Variants in ZNF30 observed in about 807,000 individuals in gnomAD.
ZNF30 encodes the protein zinc finger protein 30.
Under a neutral mutation model 13.2 loss-of-function variants are expected in ZNF30, and 15 were observed. That is an observed-to-expected ratio of 1.13 (90% CI 0.76 to 1.75). The LOEUF is 1.75. Among genes scored for constraint, ZNF30 ranks in the 40% most tolerant of loss-of-function variants. ZNF30 has a pLI of 0.00. For synonymous variants in ZNF30, 223 were observed against 256.6 expected (o/e 0.87, Z 1.25); for missense variants, 726 against 757.0 (o/e 0.96, Z 0.48).
rs1568547176 is a variant in ZNF30 at position 34,944,613 on chromosome 19, T to C, written c.1647T>C (p.Phe549=). ...PYECNKCGKA[F]TVYGQLIGHQ... is the part of the protein sequence containing the mutation. The stretch of plus-strand genomic sequence containing the variant: ...AATGTAACAAATGTGGGAAAGCCTT[T>C]ACTGTTTATGGACAACTTATTGGAC... Residue 549 remains phenylalanine (F), a synonymous_variant, in exon 5 of 5, where the codon TTT becomes TTC. Transcript: ENST00000601142. 2 of 1,613,998 alleles carry C rather than the reference T, an allele frequency of 1.2e-6. No individual in the cohort carries two copies. The highest frequency in any genetic ancestry group is 1.7e-5 in the Admixed American group (1 of 59,978).
In ZNF30 at chr19:34,931,892, C is replaced by A. The variant is rs188045373; in HGVS notation, c.59C>A (p.Ala20Asp). 3.7e-6 allele frequency: 6 copies of A among 1,613,520 alleles called. No individual in the cohort carries two copies. The East Asian group carries it at 1.3e-4, about 36-fold the overall frequency. Reference protein sequence around the residue: ...YHGSVTFEDVAIAFSQQEWES... With the variant: ...YHGSVTFEDVDIAFSQQEWES... ...GGATCAGTGACATTTGAGGATGTGG[C>A]CATAGCCTTCTCCCAGCAGGAGTGG... Residue 20 changes from alanine (A) to aspartate (D), a missense_variant, in exon 3 of 5, where the codon GCC (alanine) becomes GAC (aspartate). Physicochemically the swap from Ala to Asp is moderately radical, Grantham distance 126. Coordinates refer to ENST00000601142, the MANE Select transcript of ZNF30 (RefSeq NM_194325.3).
At chr19:34,931,699 A>G (rs1600219285) in intron 2 of ZNF30, 144 bp from the exon 3 acceptor site, 1 of 728,990 alleles carries the variant, frequency 1.4e-6, no homozygotes, top group East Asian at 2.8e-5. Flanking sequence ...GGATTCTTCC[A>G]GAACATGCAG....
chr19:34,943,090 T>C, intron 4 of ZNF30, 133 bp from the exon 5 acceptor site: 1 of 602,630 alleles, frequency 1.7e-6, no homozygotes. Context: ...TTTTTTTTTT[T>C]GAATTTCATA....
At chr19:34,932,362 T>TA (rs2012495607) in intron 3 of ZNF30, among the ~76,000 whole-genome samples, 1 of 152,212 alleles carries the variant, frequency 6.6e-6, no homozygotes, top group South Asian at 2.1e-4. Flanking sequence ...AAACTGAAGT[T>TA]ACCTCATTTT....
chr19:34,941,742 A>G (rs2013059221), intron 4 of ZNF30, among the ~76,000 whole-genome samples: 1 of 152,238 alleles, frequency 6.6e-6, no homozygotes, highest in Non-Finnish European at 1.5e-5. Context: ...CCAGTTTTGC[A>G]GTTGGTTTTT....
chr19:34,933,660 T>C lies in ZNF30; in HGVS notation c.193T>C (p.Leu65=). The C allele has an allele frequency of 6.2e-7, 1 of 1,601,872 alleles. No individual in the cohort carries two copies. Among genetic ancestry groups the C allele is most frequent in the Non-Finnish European group, 8.5e-7 (1 of 1,173,880 alleles). Residue 65 remains leucine (L), a synonymous_variant, in exon 4 of 5, where the codon TTA becomes CTA. Transcript: ENST00000601142. ...HSRSKPHVIA[L]LEQWKEPEVT... ...CCGTTCTAAACCACATGTGATCGCC[T>C]TATTGGAACAATGGAAAGAGCCTGA...
chr19:34,928,250 TATATAGATAGATAG>T (rs2012224560), intron 1 of ZNF30, among the ~76,000 whole-genome samples: 1 of 53,480 alleles, frequency 1.9e-5, no homozygotes, highest in East Asian at 4.0e-4. Flanking sequence ...TATATATATA[TATATAGATAGATAG>T]ATAGATAGAT....
chr19:34,935,044 A>G (rs1294362864), intron 4 of ZNF30, among the ~76,000 whole-genome samples: 9 of 152,144 alleles, frequency 5.9e-5, no homozygotes, highest in Non-Finnish European at 1.2e-4. Flanking sequence ...CCTGGCTAAC[A>G]TGGTAAAACC....
upstream of ZNF30, chr19:34,926,791 T>G: frequency 2.5e-6 from 1 of 395,764 alleles, no homozygotes; most frequent in Non-Finnish European, 4.5e-6. Context: ...GGGCCTCAGG[T>G]GTCAGACGCC....
chr19:34,931,658 C>A (rs992335941), intron 2 of ZNF30, among the ~76,000 whole-genome samples, 185 bp from the exon 3 acceptor site: 3 of 152,168 alleles, frequency 2.0e-5, no homozygotes, highest in Admixed American at 1.3e-4. Context: ...GATAATCCTA[C>A]AATATATAGG....
rs751459316 is a variant in ZNF30 at position 34,944,063 on chromosome 19, A to G, written c.1097A>G (p.His366Arg). ...TTCCTTCATGCACATCAGCGAATTC[A>G]TGCAGAGATAAAGCCCTACGGATGC... ...SSFLHAHQRIHAEIKPYGCKE... is the reference protein window; with the variant it reads ...SSFLHAHQRIRAEIKPYGCKE... Residue 366 changes from histidine to arginine, a missense_variant, in exon 5 of 5, where the codon CAT becomes CGT. Coordinates refer to ENST00000601142, the MANE Select transcript of ZNF30 (RefSeq NM_194325.3). The G allele has an allele frequency of 1.2e-6, 2 of 1,614,160 alleles. No homozygotes were observed. The highest frequency in any genetic ancestry group is 8.5e-7 in the Non-Finnish European group (1 of 1,180,010).
At chr19:34,938,473 A>C (rs1237246418) in intron 4 of ZNF30, among the ~76,000 whole-genome samples, 2 of 152,118 alleles carry the variant, frequency 1.3e-5, no homozygotes, top group Non-Finnish European at 2.9e-5. Flanking sequence ...CATTTTGCCA[A>C]CTGAGTTAAA....
Position 34,943,439 on chromosome 19 carries a change from G to A in ZNF30, c.473G>A (p.Ser158Asn). 6.2e-7 allele frequency: 1 copy of A among 1,613,932 alleles called. No individual in the cohort carries two copies. The highest frequency in any genetic ancestry group is 2.2e-5 in the East Asian group (1 of 44,878). Reference protein sequence around the residue: ...NRCKECGKNFSNGHQLTIHQR... With the variant: ...NRCKECGKNFNNGHQLTIHQR... Reference sequence around the variant, plus strand: ...TGTAAAGAATGTGGGAAGAACTTTAGTAATGGACATCAACTCACCATACAT... The same window carrying A: ...TGTAAAGAATGTGGGAAGAACTTTAATAATGGACATCAACTCACCATACAT... The change falls in exon 5 of 5, where the codon AGT (serine) becomes AAT (asparagine). Residue 158 changes from serine to asparagine, a missense_variant. Coordinates refer to ENST00000601142, the MANE Select transcript of ZNF30 (RefSeq NM_194325.3).
chr19:34,926,866 G>C (rs948318698), upstream of ZNF30: 2 of 397,622 alleles, frequency 5.0e-6, no homozygotes, highest in Non-Finnish European at 8.9e-6. Flanking sequence ...TCAGCCGGAC[G>C]GGAGCGCCCA....
intron 4 of ZNF30, among the ~76,000 whole-genome samples, chr19:34,938,926 G>A (rs2546009): frequency 0.34 from 51,083 of 151,938 alleles, 8,688 homozygotes; most frequent in African/African-American, 0.37. Context: ...GCGAGCTGCC[G>A]TGACTTAAAG....
At chr19:34,930,134 G>A (rs982447210) in intron 2 of ZNF30, among the ~76,000 whole-genome samples, 178 bp downstream of exon 2, 1 of 152,080 alleles carries the variant, frequency 6.6e-6, no homozygotes, top group African/African-American at 2.4e-5. Context: ...ATTTCTAATC[G>A]GTGTTCATGA....
upstream of ZNF30, among the ~76,000 whole-genome samples, chr19:34,925,009 TAAGAG>T (rs542236284): frequency 5.9e-5 from 9 of 152,362 alleles, no homozygotes; most frequent in South Asian, 1.7e-3. Flanking sequence ...TTGATGTTGA[TAAGAG>T]AAAAGTTCCC....
chr19:34,940,063 A>G (rs1365404312), intron 4 of ZNF30, among the ~76,000 whole-genome samples: 1 of 152,258 alleles, frequency 6.6e-6, no homozygotes. Flanking sequence ...AAATGTCATG[A>G]AATACTAATT....
At position 34,929,900 on chromosome 19, in the gene ZNF30, A is replaced by T. The variant is rs747612853; in HGVS notation, c.-48A>T. 2.2e-5 allele frequency: 35 copies of T among 1,573,268 alleles called. No homozygotes were observed. The East Asian group carries it at 7.9e-4, about 36-fold the overall frequency. On this transcript the variant is annotated 5_prime_UTR_variant, in exon 2 of 5. Transcript: ENST00000601142. ...ATTTTCTAGCTTTTGAACTTCTCAG[A>T]TAGAGGAACCCCAGTGAAGACTGAT... is the stretch of plus-strand genomic sequence containing the variant.
Sources: allele counts gnomAD v4.1 joint callset (sites outside exome capture counted in the v4.1 genomes callset), GRCh38; gene constraint gnomAD v4.1.1; transcripts MANE v1.5; gene names NCBI Gene and HGNC (gene_info 2026-07-23, HGNC 2026-07-21).